The following GPATCH8 variants were observed in gnomAD, a reference collection of about 807,000 sequenced individuals.
GPATCH8 encodes the protein G patch domain-containing protein 8.
A neutral mutation model predicts 118.3 loss-of-function variants in GPATCH8; 18 were observed. The observed-to-expected ratio is 0.15, with a 90% CI of 0.11 to 0.23. GPATCH8 has a LOEUF of 0.23. Ranked by LOEUF, GPATCH8 falls within the 10% of genes least tolerant of loss-of-function variation. The probability of loss-of-function intolerance (pLI) is 1.00; values close to 1 mark genes in which losing one functional copy is unlikely to be tolerated. For synonymous variants in GPATCH8, 659 were observed against 684.7 expected (o/e 0.96, Z 0.59); for missense variants, 1,631 against 1,873.8 (o/e 0.87, Z 2.39).
At chr17:44,414,308 C>T (rs565806857) in intron 6 of GPATCH8, among the ~76,000 whole-genome samples, 12 of 151,726 alleles carry the variant, frequency 7.9e-5, no homozygotes, top group African/African-American at 2.7e-4. Context: ...CTAAAATTTA[C>T]CCCACCCCCC....
intron 2 of GPATCH8, among the ~76,000 whole-genome samples, chr17:44,468,745 G>T (rs1967028278): frequency 6.6e-6 from 1 of 151,580 alleles, no homozygotes; most frequent in Non-Finnish European, 1.5e-5. Context: ...AAAAACTCTG[G>T]TTAACAACAA....
At position 44,481,781 on chromosome 17, in the gene GPATCH8, T is replaced by C. The variant is rs550829723; in HGVS notation, c.46-6878A>G. Among the ~76,000 whole-genome samples the C allele has an allele frequency of 7.2e-5, 11 of 152,330 alleles. No individual in the cohort carries two copies. In the East Asian group the frequency reaches 1.2e-3, roughly 16 times the overall value. ...ATACTTAAATTAAAATCCTGTTCCA[T>C]AGGCAGATTGTAGTGGCAGTTATAA... On this transcript the variant is annotated intron_variant, in intron 1 of 7. Coordinates refer to ENST00000591680, the MANE Select transcript of GPATCH8 (RefSeq NM_001002909.4).
chr17:44,444,699 G>T (rs2050813737), intron 3 of GPATCH8, among the ~76,000 whole-genome samples: 1 of 151,482 alleles, frequency 6.6e-6, no homozygotes, highest in South Asian at 2.1e-4. Flanking sequence ...CTTGAAACTG[G>T]GAGGCAGAAG....
chr17:44,412,115 G>A (rs755917543), intron 6 of GPATCH8, among the ~76,000 whole-genome samples: 34 of 152,170 alleles, frequency 2.2e-4, no homozygotes, highest in Non-Finnish European at 4.3e-4. Flanking sequence ...TAGAGACAGG[G>A]TTTCTCCATG....
chr17:44,501,136 T>A (rs1410513818), intron 1 of GPATCH8, among the ~76,000 whole-genome samples: 1 of 152,146 alleles, frequency 6.6e-6, no homozygotes, highest in Non-Finnish European at 1.5e-5. Flanking sequence ...ACCAACATTT[T>A]CGGCCAGGCG....
intron 6 of GPATCH8, among the ~76,000 whole-genome samples, chr17:44,409,962 G>A (rs753695253): frequency 2.7e-4 from 41 of 152,108 alleles, no homozygotes; most frequent in Non-Finnish European, 5.4e-4. Context: ...TGTAGGAAAG[G>A]TTGATATAAA....
At chr17:44,443,474 C>T (rs905254567) in intron 3 of GPATCH8, among the ~76,000 whole-genome samples, 4 of 152,078 alleles carry the variant, frequency 2.6e-5, no homozygotes, top group Non-Finnish European at 4.4e-5. Context: ...ATGATATATG[C>T]TACCTCTCAG....
chr17:44,460,106 T>C (rs1258840174), intron 3 of GPATCH8, among the ~76,000 whole-genome samples: 1 of 152,236 alleles, frequency 6.6e-6, no homozygotes, highest in African/African-American at 2.4e-5. Flanking sequence ...ATTTCAAAGC[T>C]GACAAAAGGT....
rs1394023482 is a variant in GPATCH8 at position 44,395,632 on chromosome 17, A to G, written c.*1936T>C. On this transcript the variant is annotated 3_prime_UTR_variant, in exon 8 of 8. Coordinates refer to ENST00000591680, the MANE Select transcript of GPATCH8 (RefSeq NM_001002909.4). The stretch of plus-strand genomic sequence containing the variant: ...ATCCAAGAAGTGATGCTTCTGAATC[A>G]GATGAGTACTGAACAGGTAGGAGGG... The G allele has an allele frequency of 4.4e-6, 2 of 454,246 alleles. No individual in the cohort carries two copies. The highest frequency in any genetic ancestry group is 3.1e-5 in the South Asian group (2 of 64,480). The allele number at this position is 454,246 out of a possible 1,614,324, so 28.1% of individuals were successfully genotyped here. A position where few individuals can be genotyped will look rare whatever the true frequency, so the allele number is the denominator to read the frequency against.
At chr17:44,474,565 T>G (rs1372200952) in intron 2 of GPATCH8, 3 of 526,752 alleles carry the variant, frequency 5.7e-6, no homozygotes, top group Non-Finnish European at 1.0e-5. Context: ...ACTTGCTACC[T>G]TCAACAAAGT....
In GPATCH8 at chr17:44,395,878, C is replaced by T. The variant is rs1302144993; in HGVS notation, c.*1690G>A. Reference sequence around the variant, plus strand: ...GGAGATGGGACCTGCAACACAAGCACCTTTGGGTCAGTGTGTTAATTAGGG... The same window carrying T: ...GGAGATGGGACCTGCAACACAAGCATCTTTGGGTCAGTGTGTTAATTAGGG... On this transcript the variant is annotated 3_prime_UTR_variant, in exon 8 of 8. Coordinates refer to ENST00000591680, the MANE Select transcript of GPATCH8 (RefSeq NM_001002909.4). 9 of 453,986 alleles carry T rather than the reference C, an allele frequency of 2.0e-5. No individual in the cohort carries two copies. Among genetic ancestry groups the T allele is most frequent in the African/African-American group, 4.0e-5 (2 of 49,978 alleles). 28.1% of individuals were successfully genotyped at this position (453,986 alleles called of 1,614,324 possible). A position where few individuals can be genotyped will look rare whatever the true frequency, so the allele number is the denominator to read the frequency against.
chr17:44,453,125 C>T (rs149252716), intron 3 of GPATCH8, among the ~76,000 whole-genome samples: 5 of 152,324 alleles, frequency 3.3e-5, no homozygotes, highest in African/African-American at 4.8e-5. Flanking sequence ...AGCCACCACA[C>T]CCGGCCTTCA....
intron 3 of GPATCH8, among the ~76,000 whole-genome samples, chr17:44,453,492 T>C (rs952214711): frequency 7.8e-6 from 1 of 128,970 alleles, no homozygotes; most frequent in African/African-American, 2.8e-5. Flanking sequence ...GGTAGGTAGG[T>C]AGGTAGGGGT....
chr17:44,429,898 G>A (rs574404094), intron 5 of GPATCH8, among the ~76,000 whole-genome samples: 26 of 150,412 alleles, frequency 1.7e-4, no homozygotes, highest in Non-Finnish European at 2.7e-4. Context: ...ACGTGGTGGC[G>A]CACGCCTGTA....
chr17:44,399,860 G>C lies in GPATCH8; in HGVS notation c.2217C>G (p.Gly739=). The C allele has an allele frequency of 3.1e-6, 5 of 1,613,882 alleles. No individual in the cohort carries two copies. Among genetic ancestry groups the C allele is most frequent in the Non-Finnish European group, 4.2e-6 (5 of 1,179,962 alleles). Residue 739 remains glycine (G), a synonymous_variant, in exon 8 of 8, where the codon GGC becomes GGG. Coordinates refer to ENST00000591680, the MANE Select transcript of GPATCH8 (RefSeq NM_001002909.4). Reference sequence around the variant, plus strand: ...GCCTTCTTCTTGGTGGTGCGGGACTGCCACTCCCAGGGGGTTCTGGTTTGG... The same window carrying C: ...GCCTTCTTCTTGGTGGTGCGGGACTCCCACTCCCAGGGGGTTCTGGTTTGG... ...RGPKPEPPGS[G]SPAPPRRRRR...
intron 7 of GPATCH8, among the ~76,000 whole-genome samples, chr17:44,402,020 AAAAT>A (rs1486378625): frequency 8.5e-6 from 1 of 118,296 alleles, no homozygotes; most frequent in Non-Finnish European, 2.1e-5. Context: ...ATTAAAAAAA[AAAAT>A]AAAAAATAAA....
chr17:44,453,584 C>T (rs1196693227), intron 3 of GPATCH8, among the ~76,000 whole-genome samples: 2 of 151,198 alleles, frequency 1.3e-5, no homozygotes, highest in Non-Finnish European at 2.9e-5. Context: ...GGAGTACACT[C>T]GCAATGACAC....
chr17:44,464,576 A>C (rs1471083619), intron 2 of GPATCH8, 32 bp from the exon 3 acceptor site: 1 of 1,188,432 alleles, frequency 8.4e-7, no homozygotes, highest in Non-Finnish European at 1.3e-6. Flanking sequence ...CAAACCAAAA[A>C]TATTCCAATA....
chr17:44,425,577 C>A (rs2050061195), intron 5 of GPATCH8, among the ~76,000 whole-genome samples: 1 of 152,172 alleles, frequency 6.6e-6, no homozygotes, highest in Non-Finnish European at 1.5e-5. Flanking sequence ...TTTGCCCAGG[C>A]TGGAGTACAG....
Sources: allele counts gnomAD v4.1 joint callset (sites outside exome capture counted in the v4.1 genomes callset), GRCh38; gene constraint gnomAD v4.1.1; transcripts MANE v1.5; gene names NCBI Gene and HGNC (gene_info 2026-07-23, HGNC 2026-07-21).